EPB41L5: variants seen among roughly 807,000 people sequenced by gnomAD.
EPB41L5 encodes band 4.1-like protein 5.
A neutral mutation model predicts 106.6 loss-of-function variants in EPB41L5; 55 were observed. The ratio of observed to expected loss-of-function variants is 0.52; its 90% CI spans 0.42 to 0.65. The LOEUF is 0.65. Among genes scored for constraint, EPB41L5 ranks in the 30% least tolerant of loss-of-function variants. The probability of loss-of-function intolerance (pLI) is 0.00; values close to 1 mark genes in which losing one functional copy is unlikely to be tolerated. For synonymous variants in EPB41L5, 297 were observed against 306.7 expected (o/e 0.97, Z 0.33); for missense variants, 871 against 882.1 (o/e 0.99, Z 0.16).
intron 16 of EPB41L5, chr2:120,108,526 G>A (rs1384353953): frequency 2.0e-5 from 3 of 152,048 alleles, no homozygotes; most frequent in African/African-American, 7.2e-5. Context: ...AAATTATTAG[G>A]GGTAGAGTTA....
intron 20 of EPB41L5, among the ~76,000 whole-genome samples, chr2:120,147,286 C>T (rs1248254863): frequency 6.6e-6 from 1 of 152,184 alleles, no homozygotes; most frequent in Non-Finnish European, 1.5e-5. Flanking sequence ...GAGTTTGAGG[C>T]TGCAGTGAGC....
At chr2:120,060,524 A>G (rs1034193791) in intron 3 of EPB41L5, among the ~76,000 whole-genome samples, 1 of 151,662 alleles carries the variant, frequency 6.6e-6, no homozygotes, top group African/African-American at 2.4e-5. Context: ...AAGGTTATAT[A>G]TTATATGATT....
chr2:120,107,353 G>T (rs934145889), intron 16 of EPB41L5, among the ~76,000 whole-genome samples: 1 of 152,028 alleles, frequency 6.6e-6, no homozygotes, highest in East Asian at 1.9e-4. Context: ...TATTTTTTAT[G>T]ATTGGTATTA....
chr2:120,151,103 G>A (rs62166902), intron 20 of EPB41L5, among the ~76,000 whole-genome samples: 1,993 of 152,116 alleles, frequency 0.013, 15 homozygotes, highest in Non-Finnish European at 0.02. Context: ...TTGAGCCCAG[G>A]AGTTCGAGAC....
chr2:120,032,132 C>G (rs756416937), intron 2 of EPB41L5, among the ~76,000 whole-genome samples: 1 of 152,096 alleles, frequency 6.6e-6, no homozygotes. Context: ...CCTGTAATCC[C>G]AGCACTTTGG....
chr2:120,029,402 G>A (rs1376803057), intron 2 of EPB41L5, among the ~76,000 whole-genome samples: 1 of 152,048 alleles, frequency 6.6e-6, no homozygotes, highest in Non-Finnish European at 1.5e-5. Flanking sequence ...TCGTATATTG[G>A]TCAGGCTGGC....
intron 3 of EPB41L5, 117 bp from the exon 4 acceptor site, chr2:120,073,061 G>A: frequency 2.4e-6 from 2 of 829,930 alleles, no homozygotes; most frequent in East Asian, 2.9e-5. Flanking sequence ...TTTTTCTCTT[G>A]TGAAGTATTT....
At chr2:120,074,378 T>C (rs1682088750) in intron 5 of EPB41L5, 200 bp downstream of exon 5, 2 of 508,360 alleles carry the variant, frequency 3.9e-6, no homozygotes, top group East Asian at 3.3e-5. Flanking sequence ...AAATAAAGAG[T>C]TGGTTTCTTA....
chr2:120,158,809 C>G (rs7560372), intron 20 of EPB41L5, among the ~76,000 whole-genome samples: 105,911 of 152,008 alleles, frequency 0.7, 38,167 homozygotes, highest in Non-Finnish European at 0.79. Flanking sequence ...ATCTCTGTTT[C>G]CAGACGACAT....
At chr2:120,101,033 G>C (rs1222688147) in intron 16 of EPB41L5, among the ~76,000 whole-genome samples, 1 of 152,188 alleles carries the variant, frequency 6.6e-6, no homozygotes, top group African/African-American at 2.4e-5. Flanking sequence ...TCAGACAGCT[G>C]TCCTTACTTA....
intron 16 of EPB41L5, among the ~76,000 whole-genome samples, chr2:120,111,080 A>G (rs1684710578): frequency 1.3e-5 from 2 of 152,154 alleles, no homozygotes; most frequent in Admixed American, 1.3e-4. Flanking sequence ...AGGTTTCACT[A>G]GTCTTTCCAC....
At position 120,111,906 on chromosome 2, in the gene EPB41L5, ATCT is replaced by A. The variant is rs750244744; in HGVS notation, c.1337+11097_1337+11099del. ...TGACCTTGCTTACATCCAAAGACTCATCTTCTTATACTTGCTCAAACATACCAA... is the reference window on the plus strand; with the variant it reads ...TGACCTTGCTTACATCCAAAGACTCATCTTATACTTGCTCAAACATACCAA... On this transcript the variant is annotated intron_variant, in intron 16 of 24. Coordinates refer to ENST00000263713, the MANE Select transcript of EPB41L5 (RefSeq NM_020909.4). Among the ~76,000 whole-genome samples, 10 of 152,124 alleles carry A rather than the reference ATCT, an allele frequency of 6.6e-5. No homozygotes were observed. In the East Asian group the frequency reaches 9.7e-4, roughly 15 times the overall value.
chr2:120,130,445 T>C (rs544910147), intron 17 of EPB41L5, among the ~76,000 whole-genome samples: 2 of 152,348 alleles, frequency 1.3e-5, no homozygotes, highest in East Asian at 3.9e-4. Context: ...TTACAAATGG[T>C]AACTAAAATA....
At chr2:120,065,343 A>G (rs913679266) in intron 3 of EPB41L5, among the ~76,000 whole-genome samples, 5 of 151,972 alleles carry the variant, frequency 3.3e-5, no homozygotes, top group African/African-American at 1.2e-4. Flanking sequence ...TTGGTCTCAA[A>G]CTCCTGGCCT....
At chr2:120,084,775 A>G (rs1296213052) in intron 10 of EPB41L5, among the ~76,000 whole-genome samples, 1 of 152,098 alleles carries the variant, frequency 6.6e-6, no homozygotes, top group Non-Finnish European at 1.5e-5. Flanking sequence ...TCAGACGTAG[A>G]TTTGGTCTCT....
At chr2:120,164,688 A>G (rs1375110884) in intron 21 of EPB41L5, 148 bp from the exon 22 acceptor site, 2 of 542,444 alleles carry the variant, frequency 3.7e-6, no homozygotes, top group African/African-American at 4.0e-5. Flanking sequence ...AATCATTAAC[A>G]ACCATGATTT....
chr2:120,060,878 T>A (rs1680992897), intron 3 of EPB41L5, among the ~76,000 whole-genome samples: 1 of 152,080 alleles, frequency 6.6e-6, no homozygotes. Context: ...AATCTCTAAT[T>A]ATTTCATAAT....
chr2:120,082,720 G>A (rs1682762933), intron 10 of EPB41L5, among the ~76,000 whole-genome samples: 1 of 152,124 alleles, frequency 6.6e-6, no homozygotes. Context: ...ATTTGGCTAT[G>A]AATCCATCTG....
intron 16 of EPB41L5, chr2:120,105,494 T>C (rs909342343): frequency 2.0e-6 from 2 of 985,344 alleles, no homozygotes; most frequent in African/African-American, 3.5e-5. Context: ...TACTGGACTA[T>C]TGGTTTAATA....
Sources: allele counts gnomAD v4.1 joint callset (sites outside exome capture counted in the v4.1 genomes callset), GRCh38; gene constraint gnomAD v4.1.1; transcripts MANE v1.5; gene names NCBI Gene and HGNC (gene_info 2026-07-23, HGNC 2026-07-21).